VRK3: variants seen among roughly 807,000 people sequenced by gnomAD.
VRK3 encodes the protein VRK serine/threonine kinase 3.
VRK3 carries 50 observed loss-of-function variants against 60.4 expected under a neutral mutation model. The ratio of observed to expected loss-of-function variants is 0.83; its 90% CI spans 0.66 to 1.05. VRK3 has a LOEUF of 1.05. VRK3 is among the 50% of genes least tolerant of loss of function. The pLI is 0.00. For synonymous variants in VRK3, 246 were observed against 227.8 expected, an observed-to-expected ratio of 1.08 and a Z score of -0.72; for missense variants, 549 against 585.3, an observed-to-expected ratio of 0.94 and a Z score of 0.64.
At chr19:50,016,317 G>C (rs1474877386) in intron 2 of VRK3, among the ~76,000 whole-genome samples, 154 bp from the exon 3 acceptor site, 2 of 152,166 alleles carry the variant, frequency 1.3e-5, no homozygotes, top group Non-Finnish European at 2.9e-5. Context: ...ACATGCAATG[G>C]GAATGGGAGT....
intron 2 of VRK3, 155 bp downstream of exon 2, chr19:50,020,430 G>C (rs1328652895): frequency 6.6e-6 from 1 of 152,278 alleles, no homozygotes; most frequent in Non-Finnish European, 1.5e-5. Context: ...CCAGGATGCA[G>C]CAAGTGCCTA....
chr19:49,993,400 G>GTA (rs1177520637), intron 9 of VRK3, among the ~76,000 whole-genome samples: 3 of 152,062 alleles, frequency 2.0e-5, no homozygotes, highest in Non-Finnish European at 2.9e-5. Flanking sequence ...TTTGCTGTGT[G>GTA]TATATATATA....
At position 49,988,367 on chromosome 19, in the gene VRK3, C is replaced by T; in HGVS notation, c.1217+5G>A. ...TGCAGGGGTTCTGCTGACCCCTAGA[C>T]TCACTTCTGTTTTTGCTTCATGATG... is the stretch of plus-strand genomic sequence containing the variant. On this transcript the variant is annotated splice_donor_5th_base_variant and intron_variant, in intron 12 of 14. Transcript: ENST00000316763. The T allele has an allele frequency of 6.2e-7, 1 of 1,611,082 alleles. No homozygotes were observed. The highest frequency in any genetic ancestry group is 1.1e-5 in the South Asian group (1 of 90,886).
chr19:50,017,341 G>A (rs2077094897), intron 2 of VRK3, among the ~76,000 whole-genome samples: 1 of 151,930 alleles, frequency 6.6e-6, no homozygotes, highest in Admixed American at 6.6e-5. Flanking sequence ...TTGGAAGGTC[G>A]AGGTGGGCGG....
intron 2 of VRK3, chr19:50,018,979 C>T (rs2077120105): frequency 6.6e-6 from 1 of 151,566 alleles, no homozygotes; most frequent in South Asian, 2.1e-4. Flanking sequence ...TCTTGGCTAA[C>T]ACGGTGAAAC....
intron 3 of VRK3, among the ~76,000 whole-genome samples, chr19:50,015,452 G>A (rs1234157755): frequency 6.6e-6 from 1 of 152,066 alleles, no homozygotes; most frequent in Non-Finnish European, 1.5e-5. Context: ...GGGATTACAG[G>A]CATGCGCCAC....
intron 14 of VRK3, among the ~76,000 whole-genome samples, chr19:49,977,727 G>A (rs2076354646): frequency 6.6e-6 from 1 of 152,188 alleles, no homozygotes; most frequent in Non-Finnish European, 1.5e-5. Context: ...CGAGCTGTCT[G>A]GCCTGGATAA....
intron 12 of VRK3, 195 bp from the exon 13 acceptor site, chr19:49,981,208 A>G: frequency 1.6e-6 from 1 of 615,840 alleles, no homozygotes; most frequent in Non-Finnish European, 2.9e-6. Context: ...GGGAAACAGC[A>G]CTGCTTCCTG....
chr19:50,000,802 GAACT>G lies in VRK3; in HGVS notation c.596_599del (p.Lys199ThrfsTer108). The G allele has an allele frequency of 6.2e-7, 1 of 1,613,712 alleles. No individual in the cohort carries two copies. The highest frequency in any genetic ancestry group is 8.5e-7 in the Non-Finnish European group (1 of 1,179,836). ...CAGGGTCACTTACCAGTTTGAGTGA[GAACT>G]TTTGCTTCTGTGGTCCTGAGTCACA... On this transcript the variant is annotated frameshift_variant, in exon 6 of 15. Transcript: ENST00000316763. LOFTEE classifies it high-confidence loss of function.
At chr19:50,023,577 A>G (rs2077205200) in intron 1 of VRK3, among the ~76,000 whole-genome samples, 1 of 152,214 alleles carries the variant, frequency 6.6e-6, no homozygotes, top group African/African-American at 2.4e-5. Context: ...CTGACTTACT[A>G]GAATGTAAGC....
At chr19:50,022,466 C>CA (rs1402450412) in intron 1 of VRK3, among the ~76,000 whole-genome samples, 2 of 152,172 alleles carry the variant, frequency 1.3e-5, no homozygotes, top group Non-Finnish European at 2.9e-5. Context: ...AAATCTAAGT[C>CA]AGACCCTGTC....
chr19:50,007,956 C>A, intron 4 of VRK3, 130 bp from the exon 5 acceptor site: 1 of 1,337,508 alleles, frequency 7.5e-7, no homozygotes, highest in Non-Finnish European at 1.0e-6. Context: ...CTGGGACCTT[C>A]TATGAGTCAG....
At chr19:50,002,445 G>C (rs1360762393) in intron 5 of VRK3, among the ~76,000 whole-genome samples, 3 of 152,064 alleles carry the variant, frequency 2.0e-5, no homozygotes, top group Admixed American at 6.6e-5. Context: ...AGCAGGCTGT[G>C]ACATCATGAC....
At chr19:50,017,212 C>T (rs1453990976) in intron 2 of VRK3, among the ~76,000 whole-genome samples, 1 of 151,092 alleles carries the variant, frequency 6.6e-6, no homozygotes, top group African/African-American at 2.4e-5. Context: ...ACAAAACAAA[C>T]AGCAGCAACA....
intron 12 of VRK3, 21 bp from the exon 13 acceptor site, chr19:49,981,034 G>GT: frequency 6.2e-7 from 1 of 1,610,656 alleles, no homozygotes; most frequent in Non-Finnish European, 8.5e-7. Context: ...AGAAACACAT[G>GT]TGAAAGGTCT....
chr19:50,016,845 C>T (rs778630437), intron 2 of VRK3, among the ~76,000 whole-genome samples: 2 of 143,684 alleles, frequency 1.4e-5, no homozygotes, highest in African/African-American at 3.0e-5. Flanking sequence ...GTACAACAGG[C>T]AGTTTGTATT....
intron 14 of VRK3, 94 bp downstream of exon 14, chr19:49,978,989 T>TG (rs1280713305): frequency 7.3e-7 from 1 of 1,365,802 alleles, no homozygotes; most frequent in Non-Finnish European, 9.8e-7. Context: ...GGTATGAACG[T>TG]GGAACAGCCT....
rs1284999212 is a variant in VRK3 at position 50,000,461 on chromosome 19, G to A, written c.612+329C>T. 2.4e-5 allele frequency: 9 copies of A among 380,688 alleles called. No individual in the cohort carries two copies. In the East Asian group the frequency reaches 5.4e-4, roughly 23 times the overall value. The allele number at this position is 380,688 out of a possible 1,614,324, so 23.6% of individuals were successfully genotyped here. The stretch of plus-strand genomic sequence containing the variant: ...GATACGAGCACGCTGCGAGGCCGGT[G>A]GTAGGGGGCAGATGGGCCACACCCT... On this transcript the variant is annotated intron_variant, in intron 6 of 14. Transcript: ENST00000316763.
chr19:50,002,704 G>A (rs1377972425), intron 5 of VRK3, among the ~76,000 whole-genome samples: 1 of 152,186 alleles, frequency 6.6e-6, no homozygotes, highest in African/African-American at 2.4e-5. Flanking sequence ...GGGAGCCAAG[G>A]GAGGCCAGAA....
Sources: allele counts gnomAD v4.1 joint callset (sites outside exome capture counted in the v4.1 genomes callset), GRCh38; gene constraint gnomAD v4.1.1; transcripts MANE v1.5; gene names NCBI Gene and HGNC (gene_info 2026-07-23, HGNC 2026-07-21).